ARHGAP28: variants seen among roughly 807,000 people sequenced by gnomAD.
ARHGAP28 encodes Rho GTPase activating protein 28.
Under a neutral mutation model 90.7 loss-of-function variants are expected in ARHGAP28, and 56 were observed. That is an observed-to-expected ratio of 0.62 (90% CI 0.50 to 0.77). The LOEUF (loss-of-function observed/expected upper bound fraction) is 0.77. Ranked by LOEUF, ARHGAP28 falls within the 30% of genes least tolerant of loss-of-function variation. The probability of loss-of-function intolerance (pLI) is 0.00; values close to 1 mark genes in which losing one functional copy is unlikely to be tolerated. For missense variants in ARHGAP28, 869 were observed against 900.9 expected, an observed-to-expected ratio of 0.96 and a Z score of 0.45; for synonymous variants, 308 against 323.3, an observed-to-expected ratio of 0.95 and a Z score of 0.51.
intron 1 of ARHGAP28, among the ~76,000 whole-genome samples, chr18:6,814,874 T>TAG (rs1318088144): frequency 6.6e-6 from 1 of 152,164 alleles, no homozygotes; most frequent in Non-Finnish European, 1.5e-5. Context: ...CCAAGACTCT[T>TAG]AGAGTGACAT....
chr18:6,822,241 A>G (rs1032524540), intron 1 of ARHGAP28, among the ~76,000 whole-genome samples: 14 of 152,112 alleles, frequency 9.2e-5, no homozygotes, highest in Non-Finnish European at 1.5e-5. Flanking sequence ...TCTTTTTTTA[A>G]TAAGTCAAGC....
At chr18:6,803,206 T>C (rs2056494910) in intron 1 of ARHGAP28, among the ~76,000 whole-genome samples, 1 of 152,188 alleles carries the variant, frequency 6.6e-6, no homozygotes. Flanking sequence ...ATATTAAATA[T>C]GATATTACTG....
At chr18:6,852,506 C>T (rs748555661) in intron 4 of ARHGAP28, among the ~76,000 whole-genome samples, 5 of 152,020 alleles carry the variant, frequency 3.3e-5, no homozygotes, top group Non-Finnish European at 7.4e-5. Context: ...TATCTGTTTG[C>T]TTCATATAAA....
At position 6,873,697 on chromosome 18, in the gene ARHGAP28, T is replaced by C; in HGVS notation, c.1134T>C (p.Phe378=). ...EKVKGRDNGI[F]GVPLTVLLDG... is the part of the protein sequence containing the mutation. The stretch of plus-strand genomic sequence containing the variant: ...CTCACAATGAAGACAATGGGATTTT[T>C]GGAGTTCCACTTACAGTCCTCCTGG... Residue 378 remains phenylalanine, a synonymous_variant, in exon 9 of 18, where the codon TTT becomes TTC. Coordinates refer to ENST00000383472, the MANE Select transcript of ARHGAP28 (RefSeq NM_001366230.1). The C allele has an allele frequency of 6.2e-7, 1 of 1,614,110 alleles. No homozygotes were observed. The highest frequency in any genetic ancestry group is 8.5e-7 in the Non-Finnish European group (1 of 1,180,002).
chr18:6,869,061 T>C (rs1364298083), intron 6 of ARHGAP28, among the ~76,000 whole-genome samples: 1 of 152,152 alleles, frequency 6.6e-6, no homozygotes, highest in East Asian at 1.9e-4. Flanking sequence ...TTAGTTGCAA[T>C]CATGCCACTA....
At chr18:6,756,353 T>C (rs1289947802) in intron 1 of ARHGAP28, among the ~76,000 whole-genome samples, 1 of 152,134 alleles carries the variant, frequency 6.6e-6, no homozygotes, top group Non-Finnish European at 1.5e-5. Context: ...CCAAATTGAA[T>C]AAGGAAAGTA....
chr18:6,782,903 A>G (rs1014137266), intron 1 of ARHGAP28, among the ~76,000 whole-genome samples: 1 of 151,934 alleles, frequency 6.6e-6, no homozygotes, highest in African/African-American at 2.4e-5. Flanking sequence ...CTTTGGGTCT[A>G]CTTTCTTTCC....
rs1224976080 is a variant in ARHGAP28, at chr18:6,729,810, G to A, written c.-12G>A. On this transcript the variant is annotated 5_prime_UTR_variant, in exon 1 of 18. The change abolishes an upstream ATG in the 5' untranslated region. Coordinates refer to ENST00000383472, the MANE Select transcript of ARHGAP28 (RefSeq NM_001366230.1). ...TGTTCTGGGGCCGGCGCCGAGACATGCGCGGCTGACGATGGAGGTGGAGGA... is the reference window on the plus strand; with the variant it reads ...TGTTCTGGGGCCGGCGCCGAGACATACGCGGCTGACGATGGAGGTGGAGGA... 10 of 1,401,006 alleles carry A rather than the reference G, an allele frequency of 7.1e-6. No homozygotes were observed. The highest frequency in any genetic ancestry group is 1.6e-5 in the South Asian group (1 of 64,228). The allele number at this position is 1,401,006 out of a possible 1,614,324, so 86.8% of individuals were successfully genotyped here.
At chr18:6,839,095 CA>C (rs139008244) in intron 3 of ARHGAP28, among the ~76,000 whole-genome samples, 5,819 of 152,154 alleles carry the variant, frequency 0.038, 270 homozygotes, top group African/African-American at 0.11. Context: ...GCAGCAGTAC[CA>C]AGGGATGATT....
At chr18:6,883,286 T>C (rs956715397) in intron 11 of ARHGAP28, among the ~76,000 whole-genome samples, 1 of 151,200 alleles carries the variant, frequency 6.6e-6, no homozygotes, top group Non-Finnish European at 1.5e-5. Flanking sequence ...TTGCCCAGGC[T>C]GGAGTTCAGT....
chr18:6,884,485 G>A (rs1453990130), intron 11 of ARHGAP28, among the ~76,000 whole-genome samples: 2 of 152,214 alleles, frequency 1.3e-5, no homozygotes, highest in African/African-American at 2.4e-5. Flanking sequence ...TGTATGTCAA[G>A]TAAATTTAAA....
chr18:6,850,884 C>G, intron 3 of ARHGAP28, 150 bp from the exon 4 acceptor site: 1 of 1,525,230 alleles, frequency 6.6e-7, no homozygotes, highest in Non-Finnish European at 8.7e-7. Flanking sequence ...TTGGTAAGTG[C>G]TGTTATCAAT....
chr18:6,800,207 C>A (rs939966332), intron 1 of ARHGAP28, among the ~76,000 whole-genome samples: 1 of 152,186 alleles, frequency 6.6e-6, no homozygotes, highest in Admixed American at 6.5e-5. Flanking sequence ...AGTCAGGAAA[C>A]AACCGATGCT....
intron 16 of ARHGAP28, chr18:6,898,460 A>G: frequency 6.2e-7 from 1 of 1,611,538 alleles, no homozygotes; most frequent in Non-Finnish European, 8.5e-7. Context: ...AGCGAGCTGC[A>G]CTTTCCTTCC....
At chr18:6,789,075 T>G (rs1231453797) in intron 1 of ARHGAP28, 1 of 152,102 alleles carries the variant, frequency 6.6e-6, no homozygotes, top group Non-Finnish European at 1.5e-5. Flanking sequence ...AAATCAACCT[T>G]GAAAAAATGC....
intron 1 of ARHGAP28, among the ~76,000 whole-genome samples, chr18:6,801,863 A>T (rs531548230): frequency 6.6e-6 from 1 of 152,238 alleles, no homozygotes; most frequent in East Asian, 1.9e-4. Flanking sequence ...ACTAGATCTT[A>T]TTTCCTCTAT....
At chr18:6,755,802 C>A (rs2056104256) in intron 1 of ARHGAP28, among the ~76,000 whole-genome samples, 1 of 152,098 alleles carries the variant, frequency 6.6e-6, no homozygotes, top group Admixed American at 6.5e-5. Flanking sequence ...TCATTGCTGA[C>A]CAGCATTTGA....
At chr18:6,815,483 C>T (rs943700394) in intron 1 of ARHGAP28, among the ~76,000 whole-genome samples, 2 of 152,118 alleles carry the variant, frequency 1.3e-5, no homozygotes, top group Admixed American at 1.3e-4. Flanking sequence ...ATTCATATAA[C>T]ATAAAATCTA....
chr18:6,843,086 T>A (rs1008033966), intron 3 of ARHGAP28, among the ~76,000 whole-genome samples: 2 of 152,150 alleles, frequency 1.3e-5, no homozygotes, highest in Non-Finnish European at 2.9e-5. Flanking sequence ...CAAACTGAAC[T>A]TCTCTTTTTA....
Sources: allele counts gnomAD v4.1 joint callset (sites outside exome capture counted in the v4.1 genomes callset), GRCh38; gene constraint gnomAD v4.1.1; transcripts MANE v1.5; gene names NCBI Gene and HGNC (gene_info 2026-07-23, HGNC 2026-07-21).